The following EXOC6B variants were observed in gnomAD, a reference collection of about 807,000 sequenced individuals.
EXOC6B encodes SEC15 homolog B.
Under a neutral mutation model 113.5 loss-of-function variants are expected in EXOC6B, and 54 were observed. That is an observed-to-expected ratio of 0.48 (90% CI 0.38 to 0.60). The LOEUF (loss-of-function observed/expected upper bound fraction) is 0.60, where lower values mean the gene tolerates loss of function less well. EXOC6B is among the 20% of genes least tolerant of loss of function. The pLI is 0.00. For synonymous variants in EXOC6B, 357 were observed against 339.0 expected, an observed-to-expected ratio of 1.05 and a Z score of -0.58; for missense variants, 797 against 977.5, an observed-to-expected ratio of 0.82 and a Z score of 2.46.
At chr2:72,436,743 G>C (rs1695897360) in intron 18 of EXOC6B, among the ~76,000 whole-genome samples, 1 of 151,940 alleles carries the variant, frequency 6.6e-6, no homozygotes, top group Admixed American at 6.6e-5. Flanking sequence ...GTGTTTTTCA[G>C]CTCCATCAGG....
intron 18 of EXOC6B, among the ~76,000 whole-genome samples, chr2:72,410,495 C>T (rs7575050): frequency 0.19 from 29,428 of 152,100 alleles, 5,140 homozygotes; most frequent in African/African-American, 0.47. Context: ...AAGCAAAAGG[C>T]TATACACAGG....
At chr2:72,636,319 G>A (rs188431212) in intron 6 of EXOC6B, among the ~76,000 whole-genome samples, 18 of 107,466 alleles carry the variant, frequency 1.7e-4, no homozygotes, top group South Asian at 6.9e-4. Flanking sequence ...CAGGGAGGGA[G>A]GGAGGGAAGG....
At chr2:72,721,933 A>G (rs1680032862) in intron 5 of EXOC6B, 1 of 152,098 alleles carries the variant, frequency 6.6e-6, no homozygotes, top group South Asian at 2.1e-4. Flanking sequence ...GGGAGATAAA[A>G]TGGGAACTTA....
intron 20 of EXOC6B, among the ~76,000 whole-genome samples, chr2:72,250,228 G>A (rs550549615): frequency 1.2e-4 from 19 of 152,136 alleles, no homozygotes; most frequent in South Asian, 2.1e-4. Context: ...GCACGGTACC[G>A]ATCAAAGTCA....
intron 6 of EXOC6B, among the ~76,000 whole-genome samples, chr2:72,580,462 C>CTA (rs1263650282): frequency 1.3e-5 from 2 of 152,090 alleles, no homozygotes; most frequent in African/African-American, 4.8e-5. Flanking sequence ...GTTTCACTAT[C>CTA]TACTATGGAA....
intron 6 of EXOC6B, among the ~76,000 whole-genome samples, chr2:72,626,498 T>C (rs952578181): frequency 1.3e-5 from 2 of 152,224 alleles, no homozygotes; most frequent in African/African-American, 4.8e-5. Context: ...TGAGATGCTA[T>C]GAATTCTCTT....
At chr2:72,583,617 G>A (rs1431868564) in intron 6 of EXOC6B, among the ~76,000 whole-genome samples, 2 of 152,176 alleles carry the variant, frequency 1.3e-5, no homozygotes, top group Non-Finnish European at 2.9e-5. Context: ...AACTTCATAA[G>A]CAAAGGAGAA....
intron 20 of EXOC6B, among the ~76,000 whole-genome samples, chr2:72,311,852 TCTGAGAAGG>T (rs966360093): frequency 5.3e-5 from 8 of 152,140 alleles, no homozygotes; most frequent in Non-Finnish European, 1.0e-4. Flanking sequence ...CAAAAGAAAG[TCTGAGAAGG>T]AGCAGGGGGA....
intron 5 of EXOC6B, among the ~76,000 whole-genome samples, chr2:72,724,694 T>A (rs913678801): frequency 6.6e-6 from 1 of 152,100 alleles, no homozygotes; most frequent in Non-Finnish European, 1.5e-5. Context: ...ACAATGTACA[T>A]GTATGTAAAG....
chr2:72,690,346 AT>A (rs1245385965), intron 6 of EXOC6B, among the ~76,000 whole-genome samples: 1 of 152,204 alleles, frequency 6.6e-6, no homozygotes, highest in African/African-American at 2.4e-5. Context: ...AAAATTCTTT[AT>A]TAAGCAGAAT....
At position 72,515,833 on chromosome 2, in the gene EXOC6B, T is replaced by C. The variant is rs185948797; in HGVS notation, c.916-707A>G. 4,827 of 638,450 alleles carry C rather than the reference T, an allele frequency of 7.6e-3. 20 individuals carry two copies. The highest frequency in any genetic ancestry group is 7.7e-3 in the Non-Finnish European group (3,961 of 512,744). 39.5% of individuals were successfully genotyped at this position (638,450 alleles called of 1,614,324 possible). ...TGGAAATAGGGCCATTGTGATGTAA[T>C]TGGTTAAATTAAGATGTGATCCTAT... is the stretch of plus-strand genomic sequence containing the variant. On this transcript the variant is annotated intron_variant, in intron 8 of 21. Transcript: ENST00000272427.
intron 18 of EXOC6B, among the ~76,000 whole-genome samples, chr2:72,450,558 A>G (rs1255057812): frequency 1.3e-5 from 2 of 152,224 alleles, no homozygotes; most frequent in Admixed American, 6.5e-5. Flanking sequence ...CCCTATGAAG[A>G]TGTCATGGTT....
chr2:72,676,709 T>A (rs962628647), intron 6 of EXOC6B, among the ~76,000 whole-genome samples: 1 of 152,168 alleles, frequency 6.6e-6, no homozygotes, highest in African/African-American at 2.4e-5. Flanking sequence ...TTAACGAGTC[T>A]AGTGGTTGAA....
At position 72,436,692 on chromosome 2, in the gene EXOC6B, G is replaced by A. The variant is rs542751328; in HGVS notation, c.1980+28468C>T. Among the ~76,000 whole-genome samples, 114 of 151,654 alleles carry A rather than the reference G, an allele frequency of 7.5e-4. 1 individual carries two copies. Among genetic ancestry groups the A allele is most frequent in the Admixed American group, 1.4e-3 (21 of 15,216 alleles). ...ATCCTTTCTCCTGCTTGATCAATTC[G>A]GCTAATGATTCTTGTGTATGCTTCA... On this transcript the variant is annotated intron_variant, in intron 18 of 21. Transcript: ENST00000272427.
intron 6 of EXOC6B, among the ~76,000 whole-genome samples, chr2:72,713,965 C>A (rs1460199826): frequency 6.6e-6 from 1 of 152,056 alleles, no homozygotes; most frequent in African/African-American, 2.4e-5. Context: ...ATAATATTGG[C>A]AGAAGTGAGA....
intron 1 of EXOC6B, among the ~76,000 whole-genome samples, chr2:72,764,953 A>G (rs1682973555): frequency 6.6e-6 from 1 of 152,026 alleles, no homozygotes; most frequent in Non-Finnish European, 1.5e-5. Context: ...TCCTGCTCCA[A>G]TCTAAACTGA....
At chr2:72,512,427 AG>A (rs1177869045) in intron 11 of EXOC6B, among the ~76,000 whole-genome samples, 1 of 123,004 alleles carries the variant, frequency 8.1e-6, no homozygotes, top group Non-Finnish European at 1.7e-5. Context: ...AAGGAAGGAA[AG>A]AAGGAAGGAA....
intron 1 of EXOC6B, among the ~76,000 whole-genome samples, chr2:72,815,993 T>G (rs1469543380): frequency 6.6e-6 from 1 of 152,044 alleles, no homozygotes; most frequent in South Asian, 2.1e-4. Context: ...ATCCCTTCTC[T>G]ACTAAAACTA....
At chr2:72,627,139 T>C (rs1474104827) in intron 6 of EXOC6B, among the ~76,000 whole-genome samples, 2 of 152,120 alleles carry the variant, frequency 1.3e-5, no homozygotes, top group African/African-American at 4.8e-5. Flanking sequence ...GAGGGCAGAA[T>C]TCCTACACAG....
Sources: gnomAD v4.1 joint callset for allele counts (sites outside exome capture counted in the v4.1 genomes callset) on GRCh38, gnomAD v4.1.1 for gene constraint, MANE v1.5 for transcripts, NCBI Gene and HGNC (gene_info 2026-07-23, HGNC 2026-07-21) for gene names.